ACOT11: variants seen among roughly 807,000 people sequenced by gnomAD.
The protein encoded by ACOT11 is acyl-coenzyme A thioesterase 11.
In ACOT11, 69 loss-of-function variants were observed where a neutral mutation model predicts 77.5. The ratio of observed to expected loss-of-function variants is 0.89; its 90% confidence interval spans 0.73 to 1.09. ACOT11 has a LOEUF of 1.09. ACOT11 is among the 50% of genes least tolerant of loss of function. ACOT11 has a pLI of 0.00. For missense variants in ACOT11, 766 were observed against 813.7 expected, an observed-to-expected ratio of 0.94 and a Z score of 0.71; for synonymous variants, 279 against 313.0, an observed-to-expected ratio of 0.89 and a Z score of 1.15.
chr1:54,602,122 C>T (rs546444290), intron 9 of ACOT11, among the ~76,000 whole-genome samples: 2 of 152,296 alleles, frequency 1.3e-5, no homozygotes, highest in South Asian at 4.1e-4. Context: ...TTTCCTTGTA[C>T]TTGGGGCTGG....
At chr1:54,587,078 G>A (rs1336741904) in intron 3 of ACOT11, among the ~76,000 whole-genome samples, 3 of 152,172 alleles carry the variant, frequency 2.0e-5, no homozygotes, top group South Asian at 4.1e-4. Context: ...AATATTAGAT[G>A]AGCACCTTTT....
At position 54,620,002 on chromosome 1, in the gene ACOT11, C is replaced by T. The variant is rs1214690309; in HGVS notation, c.1630-10732C>T. The T allele has an allele frequency of 6.2e-7, 1 of 1,610,994 alleles. No homozygotes were observed. Among genetic ancestry groups the T allele is most frequent in the Non-Finnish European group, 8.5e-7 (1 of 1,177,820 alleles). ...GCATCAGGGCTGCAGGCCTCCAGCT[C>T]ACAGCCTGGAAGGAATCCCAAGGGG... On this transcript the variant is annotated intron_variant, in intron 15 of 16. Coordinates refer to the ACOT11 transcript ENST00000371316.
intron 8 of ACOT11, 130 bp downstream of exon 8, chr1:54,599,545 C>A: frequency 9.5e-7 from 1 of 1,052,206 alleles, no homozygotes. Flanking sequence ...CCCTGCCTGG[C>A]TGATGGGTTC....
intron 15 of ACOT11, chr1:54,619,734 T>A: frequency 1.1e-6 from 1 of 940,128 alleles, no homozygotes; most frequent in East Asian, 2.6e-5. Context: ...GAGCCCCTAT[T>A]TCCTCATGCT....
chr1:54,568,661 T>C (rs441725), intron 1 of ACOT11, among the ~76,000 whole-genome samples: 44,960 of 151,678 alleles, frequency 0.3, 9,106 homozygotes, highest in African/African-American at 0.56. Flanking sequence ...ACCATGCCTC[T>C]GGCCCCCAGC....
At chr1:54,597,533 G>C (rs1313552718) in intron 7 of ACOT11, 118 bp downstream of exon 7, 6 of 1,279,786 alleles carry the variant, frequency 4.7e-6, no homozygotes. Flanking sequence ...TCAGAAGCTT[G>C]GCTGTTCTGA....
intron 1 of ACOT11, among the ~76,000 whole-genome samples, chr1:54,554,290 AGTGTGTGTGTGTGTGTGTGTGTGT>A (rs67577349): frequency 1.8e-5 from 2 of 108,400 alleles, no homozygotes; most frequent in African/African-American, 7.3e-5. Context: ...AGTATTCCAT[AGTGTGTGTGTGTGTGTGTGTGTGT>A]GTGTGTGTGT....
intron 6 of ACOT11, among the ~76,000 whole-genome samples, chr1:54,596,709 G>T (rs1190894012): frequency 3.9e-5 from 6 of 152,152 alleles, no homozygotes; most frequent in Admixed American, 3.9e-4. Context: ...GAGTAGCTGG[G>T]ATTACAGGCA....
intron 1 of ACOT11, among the ~76,000 whole-genome samples, chr1:54,583,551 C>T (rs1374069647): frequency 1.3e-5 from 2 of 152,168 alleles, no homozygotes; most frequent in Admixed American, 6.5e-5. Flanking sequence ...GGAGGCCCTG[C>T]AAGCAGTGTA....
intron 1 of ACOT11, among the ~76,000 whole-genome samples, chr1:54,553,780 G>A (rs1412681179): frequency 6.6e-6 from 1 of 152,080 alleles, no homozygotes; most frequent in Non-Finnish European, 1.5e-5. Flanking sequence ...CCTCTGATAA[G>A]CAGCATTATA....
rs768692483 is a variant in ACOT11 at position 54,584,785 on chromosome 1, C to T, written c.164C>T (p.Pro55Leu). 6.2e-7 allele frequency: 1 copy of T among 1,614,086 alleles called. No homozygotes were observed. The highest frequency in any genetic ancestry group is 8.5e-7 in the Non-Finnish European group (1 of 1,180,026). The stretch of plus-strand genomic sequence containing the variant: ...GTGCAGATGAGCCAGCTGGTGCTGC[C>T]CTGCCACACCAACCAACGTGGTGAG... ...TEVQMSQLVL[P>L]CHTNQRGELS... The change falls in exon 2 of 16, where the codon CCC (proline) becomes CTC (leucine). Residue 55 changes from proline to leucine, a missense_variant. Physicochemically the swap from Pro to Leu is moderately conservative, Grantham distance 98 (BLOSUM62 -3). Transcript: ENST00000343744. This position sits in a 1 kb window ranked among gnomAD's most constrained non-coding sequence, Gnocchi z 6.3.
chr1:54,625,950 A>G lies in ACOT11; in HGVS notation c.1630-4784A>G, dbSNP rs191352540. On this transcript the variant is annotated intron_variant, in intron 15 of 16. Coordinates refer to the ACOT11 transcript ENST00000371316. ...GTGAAACTCTGTCTCAAAAAAAAAAAAAAGAAAGAAAGAAAAAAAGAAAAG... is the reference window on the plus strand; with the variant it reads ...GTGAAACTCTGTCTCAAAAAAAAAAGAAAGAAAGAAAGAAAAAAAGAAAAG... Among the ~76,000 whole-genome samples the G allele has an allele frequency of 9.9e-3, 1,475 of 148,440 alleles. 20 individuals are homozygous for G. Among genetic ancestry groups the G allele is most frequent in the Non-Finnish European group, 0.014 (947 of 67,154 alleles).
At chr1:54,585,945 C>G (rs1170773093) in intron 3 of ACOT11, 41 bp downstream of exon 3, 3 of 1,603,552 alleles carry the variant, frequency 1.9e-6, no homozygotes, top group Non-Finnish European at 2.6e-6. Context: ...TGGGCTCCCT[C>G]CCATCAGCCT....
intron 15 of ACOT11, among the ~76,000 whole-genome samples, chr1:54,630,065 A>C (rs1644291410): frequency 7.6e-6 from 1 of 132,060 alleles, no homozygotes; most frequent in South Asian, 2.5e-4. Context: ...ATGCCTGGCT[A>C]TTTTTTTGTA....
At chr1:54,597,786 T>G (rs1346708556) in intron 7 of ACOT11, 1 of 216,250 alleles carries the variant, frequency 4.6e-6, no homozygotes, top group Non-Finnish European at 9.3e-6. Flanking sequence ...AGCCCCTGCC[T>G]TTGCTCCTGA....
In ACOT11 at chr1:54,607,268, G is replaced by A; in HGVS notation, c.1502+3G>A. 1.2e-6 allele frequency: 2 copies of A among 1,614,106 alleles called. No homozygotes were observed. Among genetic ancestry groups the A allele is most frequent in the Non-Finnish European group, 1.7e-6 (2 of 1,180,008 alleles). On this transcript the variant is annotated splice_donor_region_variant and intron_variant, in intron 14 of 15. Transcript: ENST00000343744. The surrounding 1 kb of genome is among the most constrained non-coding windows in gnomAD (Gnocchi z 4.5). ...AGGCGGAAGCCTTGTGACAATGGGT[G>A]TGTGCCTATCTGCTGTGGGGTGGGG...
downstream of ACOT11, among the ~76,000 whole-genome samples, chr1:54,611,998 TTC>T (rs1644123416): frequency 2.6e-5 from 4 of 151,666 alleles, no homozygotes; most frequent in African/African-American, 9.7e-5. Flanking sequence ...CAGTGTCTAT[TTC>T]TGAGTCCTGT....
chr1:54,594,993 G>T (rs1418481195), intron 6 of ACOT11, among the ~76,000 whole-genome samples: 1 of 152,212 alleles, frequency 6.6e-6, no homozygotes, highest in African/African-American at 2.4e-5. Flanking sequence ...ATAGTATTGA[G>T]CTATAACTTG....
intron 1 of ACOT11, among the ~76,000 whole-genome samples, chr1:54,563,235 C>T (rs1653615095): frequency 6.6e-6 from 1 of 152,238 alleles, no homozygotes; most frequent in Non-Finnish European, 1.5e-5. Flanking sequence ...GATCCTTCTG[C>T]CTTGGCCTCT....
Sources: gnomAD v4.1 joint callset for allele counts (sites outside exome capture counted in the v4.1 genomes callset) on GRCh38, gnomAD v4.1.1 for gene constraint, Gnocchi (gnomAD v3.1) non-coding constraint, MANE v1.5 for transcripts, NCBI Gene and HGNC (gene_info 2026-07-23, HGNC 2026-07-21) for gene names.